SEMA5A: variants seen among roughly 807,000 people sequenced by gnomAD.
The protein encoded by SEMA5A is semaphorin 5A.
SEMA5A carries 55 observed loss-of-function variants against 135.5 expected under a neutral mutation model. The ratio of observed to expected loss-of-function variants is 0.41; its 90% CI spans 0.33 to 0.51. The LOEUF (loss-of-function observed/expected upper bound fraction) is 0.51, where lower values mean the gene tolerates loss of function less well. SEMA5A is among the 20% of genes least tolerant of loss of function. The pLI is 0.37. For synonymous variants in SEMA5A, 580 were observed against 546.5 expected, an observed-to-expected ratio of 1.06 and a Z score of -0.85; for missense variants, 1,290 against 1,419.9, an observed-to-expected ratio of 0.91 and a Z score of 1.47.
chr5:9,049,489 A>C (rs2150038504), intron 21 of SEMA5A, among the ~76,000 whole-genome samples: 1 of 152,346 alleles, frequency 6.6e-6, no homozygotes, highest in Non-Finnish European at 1.5e-5. Context: ...CAAGGTAGTT[A>C]ATAATGGTAG....
chr5:9,233,124 A>C (rs1196608311), intron 6 of SEMA5A, among the ~76,000 whole-genome samples: 2 of 152,244 alleles, frequency 1.3e-5, no homozygotes, highest in Non-Finnish European at 2.9e-5. Context: ...GGTGTCAAAA[A>C]TCCTGAAATG....
intron 11 of SEMA5A, among the ~76,000 whole-genome samples, chr5:9,182,558 T>TC (rs896727603): frequency 3.5e-4 from 54 of 152,198 alleles, no homozygotes; most frequent in African/African-American, 1.3e-3. Flanking sequence ...AGATTTTTTG[T>TC]CCCCCTAAGA....
At chr5:9,304,943 C>A (rs2150623639) in intron 5 of SEMA5A, among the ~76,000 whole-genome samples, 1 of 152,232 alleles carries the variant, frequency 6.6e-6, no homozygotes, top group Admixed American at 6.5e-5. Flanking sequence ...AAATGTAAGT[C>A]TCCTTTTTGT....
chr5:9,187,581 T>C (rs1366577530), intron 11 of SEMA5A, among the ~76,000 whole-genome samples: 1 of 152,150 alleles, frequency 6.6e-6, no homozygotes, highest in Non-Finnish European at 1.5e-5. Context: ...ATCCAACTAG[T>C]GAGAGATGGA....
intron 1 of SEMA5A, among the ~76,000 whole-genome samples, chr5:9,512,709 T>A (rs956190680): frequency 6.6e-6 from 1 of 152,158 alleles, no homozygotes; most frequent in Non-Finnish European, 1.5e-5. Context: ...CATCCTGCTT[T>A]TCCTTTTAAG....
intron 6 of SEMA5A, among the ~76,000 whole-genome samples, chr5:9,233,136 G>T (rs1747723953): frequency 6.6e-6 from 1 of 152,194 alleles, no homozygotes. Flanking sequence ...CCTGAAATGA[G>T]ATCATGAACA....
intron 7 of SEMA5A, among the ~76,000 whole-genome samples, chr5:9,226,575 T>C (rs1458370655): frequency 2.0e-5 from 3 of 152,172 alleles, no homozygotes; most frequent in African/African-American, 7.2e-5. Context: ...AAAAAGAATA[T>C]GTTTAGGATT....
chr5:9,380,268 A>G lies in SEMA5A; in HGVS notation c.-77-245T>C, dbSNP rs1755541346. 1.2e-5 allele frequency: 3 copies of G among 247,654 alleles called. No homozygotes were observed. In the South Asian group the frequency reaches 2.4e-4, roughly 20 times the overall value. The allele number at this position is 247,654 out of a possible 1,614,324, so 15.3% of individuals were successfully genotyped here. ...TCCCAATAATTGCATGACATAGCCC[A>G]TTTGTTTTAAACGAGAAATGCTCAA... is the stretch of plus-strand genomic sequence containing the variant. On this transcript the variant is annotated intron_variant, in intron 2 of 22. Coordinates refer to ENST00000382496, the MANE Select transcript of SEMA5A (RefSeq NM_003966.3).
At chr5:9,364,939 G>A (rs558986959) in intron 3 of SEMA5A, among the ~76,000 whole-genome samples, 30 of 152,224 alleles carry the variant, frequency 2.0e-4, no homozygotes, top group African/African-American at 7.2e-4. Flanking sequence ...TCTGTTTCTT[G>A]TCAAAAGAGT....
At chr5:9,207,119 T>C (rs1188257697) in intron 8 of SEMA5A, among the ~76,000 whole-genome samples, 2 of 140,938 alleles carry the variant, frequency 1.4e-5, no homozygotes, top group Non-Finnish European at 3.1e-5. Flanking sequence ...TATATATATA[T>C]ATATATATAT....
chr5:9,421,321 T>G (rs1019904934), intron 2 of SEMA5A, among the ~76,000 whole-genome samples: 8 of 152,254 alleles, frequency 5.3e-5, no homozygotes, highest in African/African-American at 1.9e-4. Context: ...TAATCACATC[T>G]GAGACATTCT....
At chr5:9,211,876 T>C (rs1746362624) in intron 8 of SEMA5A, among the ~76,000 whole-genome samples, 1 of 152,198 alleles carries the variant, frequency 6.6e-6, no homozygotes, top group Non-Finnish European at 1.5e-5. Flanking sequence ...TAAAAAATGA[T>C]ACAGTTGAAA....
At chr5:9,230,484 A>C (rs1303695892) in intron 6 of SEMA5A, among the ~76,000 whole-genome samples, 1 of 152,134 alleles carries the variant, frequency 6.6e-6, no homozygotes, top group East Asian at 1.9e-4. Context: ...GAATTATTTC[A>C]ATTAGGGCAG....
chr5:9,335,107 A>G (rs1579364860), intron 4 of SEMA5A, among the ~76,000 whole-genome samples: 1 of 152,108 alleles, frequency 6.6e-6, no homozygotes, highest in South Asian at 2.1e-4. Flanking sequence ...CACTCTAGAG[A>G]CATTGGGATG....
chr5:9,335,266 C>G (rs1350219517), intron 4 of SEMA5A, among the ~76,000 whole-genome samples: 1 of 152,166 alleles, frequency 6.6e-6, no homozygotes, highest in Non-Finnish European at 1.5e-5. Context: ...CCCACTGACA[C>G]TGGAATAGAG....
At chr5:9,255,303 T>C (rs1169902748) in intron 5 of SEMA5A, among the ~76,000 whole-genome samples, 2 of 152,170 alleles carry the variant, frequency 1.3e-5, no homozygotes, top group Non-Finnish European at 2.9e-5. Context: ...CACACAATCA[T>C]CCATCTGCAT....
chr5:9,168,043 C>T (rs1743708318), intron 11 of SEMA5A, among the ~76,000 whole-genome samples: 1 of 152,170 alleles, frequency 6.6e-6, no homozygotes, highest in Non-Finnish European at 1.5e-5. Context: ...CAGGTCACTC[C>T]TAACTTCCTA....
At chr5:9,065,913 T>C (rs2150072022) in intron 17 of SEMA5A, among the ~76,000 whole-genome samples, 1 of 152,342 alleles carries the variant, frequency 6.6e-6, no homozygotes, top group Non-Finnish European at 1.5e-5. Context: ...TTCAAGGGAT[T>C]TACTCAATTA....
chr5:9,380,600 C>A (rs1263583378), intron 2 of SEMA5A, among the ~76,000 whole-genome samples: 1 of 152,112 alleles, frequency 6.6e-6, no homozygotes, highest in East Asian at 1.9e-4. Context: ...AGATAATCTG[C>A]CTGCAAAATA....
Sources: allele counts gnomAD v4.1 joint callset (sites outside exome capture counted in the v4.1 genomes callset), GRCh38; gene constraint gnomAD v4.1.1; transcripts MANE v1.5; gene names NCBI Gene and HGNC (gene_info 2026-07-23, HGNC 2026-07-21).